DPP6: variants seen among roughly 807,000 people sequenced by gnomAD.
DPP6 encodes dipeptidyl peptidase like 6.
In DPP6, 69 loss-of-function variants were observed where a neutral mutation model predicts 122.6. That is an observed-to-expected ratio of 0.56 (90% CI 0.46 to 0.69). The LOEUF (loss-of-function observed/expected upper bound fraction) is 0.69. DPP6 is among the 30% of genes least tolerant of loss of function. DPP6 has a pLI of 0.00. For missense variants in DPP6, 928 were observed against 1,116.9 expected, an observed-to-expected ratio of 0.83 and a Z score of 2.41; for synonymous variants, 418 against 433.1, an observed-to-expected ratio of 0.97 and a Z score of 0.43.
At chr7:153,989,312 G>A (rs1279288985) in intron 1 of DPP6, among the ~76,000 whole-genome samples, 1 of 147,638 alleles carries the variant, frequency 6.8e-6, no homozygotes, top group Non-Finnish European at 1.5e-5. Flanking sequence ...TGAGTGTGGG[G>A]AGTAAGATTT....
At chr7:154,219,708 C>T (rs1800195791) in intron 1 of DPP6, among the ~76,000 whole-genome samples, 1 of 152,158 alleles carries the variant, frequency 6.6e-6, no homozygotes, top group South Asian at 2.1e-4. Flanking sequence ...GCCTCAGCCT[C>T]CCAAGTAGCT....
chr7:154,853,352 C>G (rs1323092935), intron 16 of DPP6, among the ~76,000 whole-genome samples: 2 of 152,190 alleles, frequency 1.3e-5, no homozygotes, highest in Non-Finnish European at 2.9e-5. Context: ...TTATGAGAGA[C>G]CCATTGGATG....
intron 1 of DPP6, among the ~76,000 whole-genome samples, chr7:154,387,544 G>A (rs1814225700): frequency 6.6e-6 from 1 of 152,202 alleles, no homozygotes; most frequent in Non-Finnish European, 1.5e-5. Flanking sequence ...GGAGGATCAT[G>A]TGATCCACCC....
At chr7:154,414,351 A>G (rs1816848452) in intron 1 of DPP6, among the ~76,000 whole-genome samples, 2 of 152,220 alleles carry the variant, frequency 1.3e-5, no homozygotes, top group Non-Finnish European at 2.9e-5. Context: ...CATTCTTTCA[A>G]GATACATAGT....
the DPP6 span, among the ~76,000 whole-genome samples, chr7:153,858,794 A>G: frequency 6.6e-6 from 1 of 152,186 alleles, no homozygotes; most frequent in Admixed American, 6.5e-5. Context: ...ACTGAATGTA[A>G]GGGAGAAAGA....
In DPP6 at chr7:154,062,126, G is replaced by C. The variant is rs530925271; in HGVS notation, c.243+9063G>C. Among the ~76,000 whole-genome samples the C allele has an allele frequency of 7.8e-5, 8 of 102,634 alleles. No individual in the cohort carries two copies. The East Asian group carries it at 2.2e-3, about 28-fold the overall frequency. 67.3% of individuals were successfully genotyped at this position (102,634 alleles called of 152,430 possible). A position where few individuals can be genotyped will look rare whatever the true frequency, so the allele number is the denominator to read the frequency against. ...GGGGACGCACCCCCCGCGAGGCGGGGACTGAGAGCCAGACCCTCATCCCCC... is the reference window on the plus strand; with the variant it reads ...GGGGACGCACCCCCCGCGAGGCGGGCACTGAGAGCCAGACCCTCATCCCCC... On this transcript the variant is annotated intron_variant, in intron 1 of 25. Transcript: ENST00000377770.
At chr7:153,869,378 G>T in the DPP6 span, among the ~76,000 whole-genome samples, 1 of 152,188 alleles carries the variant, frequency 6.6e-6, no homozygotes, top group Non-Finnish European at 1.5e-5. Context: ...AGCTCTTCTT[G>T]TTGAATTAAT....
chr7:154,250,136 C>T (rs117792462), intron 1 of DPP6, among the ~76,000 whole-genome samples: 2,521 of 152,234 alleles, frequency 0.017, 30 homozygotes, highest in Non-Finnish European at 0.026. Flanking sequence ...ACGACCCTCT[C>T]AAGCGGACTC....
intron 1 of DPP6, among the ~76,000 whole-genome samples, chr7:154,192,690 C>T (rs187339080): frequency 3.2e-4 from 48 of 152,360 alleles, no homozygotes; most frequent in Non-Finnish European, 2.2e-4. Flanking sequence ...TTTTAAAAAT[C>T]CCCATATGGG....
chr7:154,332,845 C>T (rs571179672), intron 1 of DPP6, among the ~76,000 whole-genome samples: 112 of 152,318 alleles, frequency 7.4e-4, no homozygotes, highest in African/African-American at 2.6e-3. Context: ...TTCCCACTCA[C>T]CGTGCCCGCC....
At chr7:154,424,993 C>A (rs1482558283) in intron 1 of DPP6, among the ~76,000 whole-genome samples, 1 of 152,162 alleles carries the variant, frequency 6.6e-6, no homozygotes, top group Non-Finnish European at 1.5e-5. Flanking sequence ...GGATTGGATA[C>A]CCATGAAGTC....
rs1491466265 is a variant in DPP6, at chr7:154,297,078, T to TG, written c.244-149136_244-149135insG. 5.2e-3 allele frequency among the ~76,000 whole-genome samples: 532 copies of TG among 103,146 alleles called. 2 individuals carry two copies. Among genetic ancestry groups the TG allele is most frequent in the South Asian group, 0.021 (80 of 3,854 alleles). The allele number at this position is 103,146 out of a possible 152,430, so 67.7% of individuals were successfully genotyped here. A position where few individuals can be genotyped will look rare whatever the true frequency, so the allele number is the denominator to read the frequency against. ...AATGTATTCTGTTTTTTTTTTTTTGTTTTGTTTTTCTATTTGGAGGGTGAG... is the reference window on the plus strand; with the variant it reads ...AATGTATTCTGTTTTTTTTTTTTTGTGTTTGTTTTTCTATTTGGAGGGTGAG... On this transcript the variant is annotated intron_variant, in intron 1 of 25. Coordinates refer to ENST00000377770, the MANE Select transcript of DPP6 (RefSeq NM_130797.4).
chr7:154,354,745 T>G (rs1422117194), intron 1 of DPP6, among the ~76,000 whole-genome samples: 1 of 152,176 alleles, frequency 6.6e-6, no homozygotes, highest in Non-Finnish European at 1.5e-5. Flanking sequence ...CTGTAAAGTG[T>G]TTTGTTTTAG....
the DPP6 span, among the ~76,000 whole-genome samples, chr7:153,758,978 A>G: frequency 6.6e-6 from 1 of 152,006 alleles, no homozygotes; most frequent in Non-Finnish European, 1.5e-5. Flanking sequence ...TCATTTTAGA[A>G]TTTTATATTT....
At chr7:153,822,219 T>C in the DPP6 span, among the ~76,000 whole-genome samples, 1 of 132,948 alleles carries the variant, frequency 7.5e-6, no homozygotes, top group African/African-American at 2.9e-5. Context: ...AGATGGAGTC[T>C]CGCACTGTCC....
intron 1 of DPP6, among the ~76,000 whole-genome samples, chr7:154,140,899 A>G (rs1795811871): frequency 6.6e-6 from 1 of 152,218 alleles, no homozygotes; most frequent in African/African-American, 2.4e-5. Flanking sequence ...AGGTTTCCAT[A>G]TATCAAATTA....
intron 8 of DPP6, among the ~76,000 whole-genome samples, chr7:154,762,553 T>C (rs934076839): frequency 3.6e-4 from 55 of 152,252 alleles, no homozygotes; most frequent in Admixed American, 3.5e-3. Flanking sequence ...ATTCGCAGAC[T>C]GAGCATGGCA....
intron 1 of DPP6, among the ~76,000 whole-genome samples, chr7:154,413,251 T>A (rs1816766102): frequency 6.6e-6 from 1 of 152,226 alleles, no homozygotes; most frequent in Admixed American, 6.5e-5. Flanking sequence ...AAGTCACACT[T>A]TTTCTCCAGG....
the DPP6 span, among the ~76,000 whole-genome samples, chr7:153,796,636 C>T: frequency 4.6e-5 from 7 of 152,288 alleles, no homozygotes; most frequent in East Asian, 1.9e-4. Context: ...AAATATAACA[C>T]GTGGCACAAA....
Sources: allele counts gnomAD v4.1 joint callset (sites outside exome capture counted in the v4.1 genomes callset), GRCh38; gene constraint gnomAD v4.1.1; transcripts MANE v1.5; gene names NCBI Gene and HGNC (gene_info 2026-07-23, HGNC 2026-07-21).